Variants in PXDC1 observed in about 807,000 individuals in gnomAD.
The protein encoded by PXDC1 is PX domain containing 1.
A neutral mutation model predicts 24.4 loss-of-function variants in PXDC1; 13 were observed. The ratio of observed to expected loss-of-function variants is 0.53; its 90% confidence interval spans 0.35 to 0.85. The LOEUF (loss-of-function observed/expected upper bound fraction) is 0.85. PXDC1 is among the 40% of genes least tolerant of loss of function. PXDC1 has a pLI of 0.01. For synonymous variants in PXDC1, 162 were observed against 124.9 expected (o/e 1.30, Z -1.98); for missense variants, 344 against 309.3 (o/e 1.11, Z -0.84).
At chr6:3,731,041 G>C (rs1464106096) in intron 3 of PXDC1, among the ~76,000 whole-genome samples, 1 of 152,168 alleles carries the variant, frequency 6.6e-6, no homozygotes, top group East Asian at 1.9e-4. Flanking sequence ...AAATACTGAG[G>C]GCTCAATAAA....
Position 3,751,647 on chromosome 6 carries a change from G to C in PXDC1, c.-116C>G, listed in dbSNP as rs928198314. 4.1e-5 allele frequency: 55 copies of C among 1,332,830 alleles called. No homozygotes were observed. The highest frequency in any genetic ancestry group is 5.2e-5 in the Non-Finnish European group (54 of 1,046,634). The allele number at this position is 1,332,830 out of a possible 1,614,324, so 82.6% of individuals were successfully genotyped here. On this transcript the variant is annotated 5_prime_UTR_variant, in exon 1 of 5. Transcript: ENST00000380283. ...TCCGTGGCCGGGGTCGTCCGGGGTC[G>C]GCCCGTCACTCCAAGGAGGCTGCGT... is the stretch of plus-strand genomic sequence containing the variant.
chr6:3,725,516 C>T lies in PXDC1; in HGVS notation c.579-1780G>A, dbSNP rs1034796034. ...GCCCTGGCACTGGTGCCCACTTGCC[C>T]CTGGGGCCAGACTCGGGGCAGCCTG... On this transcript the variant is annotated intron_variant, in intron 4 of 4. Coordinates refer to ENST00000380283, the MANE Select transcript of PXDC1 (RefSeq NM_183373.4). This position sits in a 1 kb window ranked among gnomAD's most constrained non-coding sequence, Gnocchi z 4.8. Among the ~76,000 whole-genome samples, 3 of 152,222 alleles carry T rather than the reference C, an allele frequency of 2.0e-5. No individual in the cohort carries two copies. The highest frequency in any genetic ancestry group is 7.2e-5 in the African/African-American group (3 of 41,454).
chr6:3,733,854 G>A (rs1038141975), intron 3 of PXDC1, among the ~76,000 whole-genome samples: 6 of 152,102 alleles, frequency 3.9e-5, no homozygotes, highest in Non-Finnish European at 5.9e-5. Context: ...ATGGCAGCCC[G>A]CCAACATCTG....
At chr6:3,729,524 A>G (rs889648489) in intron 3 of PXDC1, among the ~76,000 whole-genome samples, 1 of 152,200 alleles carries the variant, frequency 6.6e-6, no homozygotes, top group Non-Finnish European at 1.5e-5. Flanking sequence ...AGCTCTGCGA[A>G]GCAAAGAGGA....
At position 3,751,416 on chromosome 6, in the gene PXDC1, A is replaced by T; in HGVS notation, c.116T>A (p.Phe39Tyr). ...GTCCGACCACTCCGTGCGGATCTCG[A>T]AGAACTCCTCTTCGTCGCCGCGCCG... is the stretch of plus-strand genomic sequence containing the variant. ...VSRRGDEEEF[F>Y]EIRTEWSDRS... Residue 39 changes from phenylalanine (F) to tyrosine (Y), a missense_variant, in exon 1 of 5, where the codon TTC (phenylalanine) becomes TAC (tyrosine). Transcript: ENST00000380283. 1 of 1,582,800 alleles carries T rather than the reference A, an allele frequency of 6.3e-7. No homozygotes were observed. The highest frequency in any genetic ancestry group is 8.6e-7 in the Non-Finnish European group (1 of 1,165,536).
At position 3,725,985 on chromosome 6, in the gene PXDC1, G is replaced by T. The variant is rs1385177589; in HGVS notation, c.578+1566C>A. ...TGTCACTCCTGTGCACATGCAGTCA[G>T]TCCCGGGCAGCTGCAAGAGCCACAC... On this transcript the variant is annotated intron_variant, in intron 4 of 4. Transcript: ENST00000380283. This position sits in a 1 kb window ranked among gnomAD's most constrained non-coding sequence, Gnocchi z 4.8. 6.9e-6 allele frequency among the ~76,000 whole-genome samples: 1 copy of T among 144,534 alleles called. No homozygotes were observed. Among genetic ancestry groups the T allele is most frequent in the East Asian group, 2.0e-4 (1 of 5,006 alleles). The allele number at this position is 144,534 out of a possible 152,430, so 94.8% of individuals were successfully genotyped here. A position where few individuals can be genotyped will look rare whatever the true frequency, so the allele number is the denominator to read the frequency against.
At chr6:3,744,652 G>A (rs958654097) in intron 1 of PXDC1, among the ~76,000 whole-genome samples, 2 of 152,212 alleles carry the variant, frequency 1.3e-5, no homozygotes, top group Non-Finnish European at 2.9e-5. Context: ...GCTTCCCACG[G>A]AGGTTCTGGC....
At position 3,737,912 on chromosome 6, in the gene PXDC1, G is replaced by A. The variant is rs572431884; in HGVS notation, c.348+145C>T. On this transcript the variant is annotated intron_variant, in intron 2 of 4. Coordinates refer to ENST00000380283, the MANE Select transcript of PXDC1 (RefSeq NM_183373.4). This position sits in a 1 kb window ranked among gnomAD's most constrained non-coding sequence, Gnocchi z 5.5. Reference sequence around the variant, plus strand: ...TGCACACCTCCACTCCGTCCCTATCGCCTGGTACTACCAGGGAGGGAACAA... The same window carrying A: ...TGCACACCTCCACTCCGTCCCTATCACCTGGTACTACCAGGGAGGGAACAA... 1.6e-4 allele frequency: 120 copies of A among 738,500 alleles called. 1 individual carries two copies. The highest frequency in any genetic ancestry group is 1.3e-3 in the African/African-American group (76 of 56,766). The allele number at this position is 738,500 out of a possible 1,614,324, so 45.7% of individuals were successfully genotyped here.
In PXDC1 at chr6:3,751,521, G is replaced by T. The variant is rs538862361; in HGVS notation, c.11C>A (p.Ala4Glu). The change falls in exon 1 of 5, where the codon GCG becomes GAG. Residue 4 changes from alanine to glutamate, a missense_variant. Ala to Glu is a moderately radical substitution (Grantham distance 107, BLOSUM62 -1). Coordinates refer to ENST00000380283, the MANE Select transcript of PXDC1 (RefSeq NM_183373.4). ...CACGAGCGACGTGCCCTCAAACACCGCCGAGGCCATGTCGCACGCATGCCC... is the reference window on the plus strand; with the variant it reads ...CACGAGCGACGTGCCCTCAAACACCTCCGAGGCCATGTCGCACGCATGCCC... MASAVFEGTSLVNM... is the reference protein window; with the variant it reads MASEVFEGTSLVNM... 2 of 1,587,550 alleles carry T rather than the reference G, an allele frequency of 1.3e-6. No homozygotes were observed. Among genetic ancestry groups the T allele is most frequent in the African/African-American group, 1.4e-5 (1 of 72,766 alleles).
rs1760717501 is a variant in PXDC1 at position 3,751,455 on chromosome 6, C to T, written c.77G>A (p.Arg26Lys). 1 of 1,601,950 alleles carries T rather than the reference C, an allele frequency of 6.2e-7. No homozygotes were observed. Among genetic ancestry groups the T allele is most frequent in the Non-Finnish European group, 8.5e-7 (1 of 1,175,500 alleles). Residue 26 changes from arginine (R) to lysine (K), a missense_variant, in exon 1 of 5, where the codon AGG (arginine) becomes AAG (lysine). Coordinates refer to ENST00000380283, the MANE Select transcript of PXDC1 (RefSeq NM_183373.4). The part of the protein sequence containing the change: ...VRGCWVNGIR[R>K]LIVSRRGDEE... ...GTCGCCGCGCCGGCTGACGATGAGC[C>T]TGCGGATGCCGTTCACCCAGCAGCC...
Position 3,724,449 on chromosome 6 carries a change from C to A in PXDC1, c.579-713G>T, listed in dbSNP as rs1760011260. On this transcript the variant is annotated intron_variant, in intron 4 of 4. Transcript: ENST00000380283. This position sits in a 1 kb window ranked among gnomAD's most constrained non-coding sequence, Gnocchi z 4.5. Reference sequence around the variant, plus strand: ...CTACTCCCTCTGCAGCCCAGGCAGACTTCCTACGTTAAGAAAAGAGACTCC... The same window carrying A: ...CTACTCCCTCTGCAGCCCAGGCAGAATTCCTACGTTAAGAAAAGAGACTCC... Among the ~76,000 whole-genome samples, 1 of 152,216 alleles carries A rather than the reference C, an allele frequency of 6.6e-6. No homozygotes were observed. The highest frequency in any genetic ancestry group is 2.4e-5 in the African/African-American group (1 of 41,448).
At position 3,751,695 on chromosome 6, in the gene PXDC1, G is replaced by A. The variant is rs1760730121; in HGVS notation, c.-164C>T. The A allele has an allele frequency of 1.9e-6, 2 of 1,078,076 alleles. No individual in the cohort carries two copies. Among genetic ancestry groups the A allele is most frequent in the Admixed American group, 4.5e-5 (1 of 22,298 alleles). The allele number at this position is 1,078,076 out of a possible 1,614,324, so 66.8% of individuals were successfully genotyped here. On this transcript the variant is annotated 5_prime_UTR_variant, in exon 1 of 5. Transcript: ENST00000380283. ...CGTATGGCCCGCGTTCGGGGCAGCG[G>A]GGCGGCGCGGCGGCGAGTGGCTCGG...
At chr6:3,750,824 C>G (rs1760691457) in intron 1 of PXDC1, among the ~76,000 whole-genome samples, 1 of 152,012 alleles carries the variant, frequency 6.6e-6, no homozygotes, top group Non-Finnish European at 1.5e-5. Context: ...GGGCGGCGGC[C>G]AGACCCGACG....
intron 1 of PXDC1, among the ~76,000 whole-genome samples, chr6:3,748,529 G>A (rs1760621036): frequency 6.6e-6 from 1 of 152,168 alleles, no homozygotes; most frequent in South Asian, 2.1e-4. Context: ...ACACATACAA[G>A]GCCCAGGGAT....
At chr6:3,729,058 C>A (rs1432829756) in intron 3 of PXDC1, among the ~76,000 whole-genome samples, 1 of 152,142 alleles carries the variant, frequency 6.6e-6, no homozygotes, top group Non-Finnish European at 1.5e-5. Flanking sequence ...CCTAACAGCC[C>A]TCCCTCTCCC....
chr6:3,740,626 A>C (rs1227085107), intron 1 of PXDC1, among the ~76,000 whole-genome samples: 1 of 152,098 alleles, frequency 6.6e-6, no homozygotes, highest in African/African-American at 2.4e-5. Flanking sequence ...TAGCCCACCT[A>C]CCTCACCAGC....
Position 3,724,803 on chromosome 6 carries a change from G to A in PXDC1, c.579-1067C>T, listed in dbSNP as rs535733092. ...CCGGACACACAACAAGGCAGGGCGA[G>A]CATATGTCCCCCACAAACCTAGTAC... On this transcript the variant is annotated intron_variant, in intron 4 of 4. Coordinates refer to ENST00000380283, the MANE Select transcript of PXDC1 (RefSeq NM_183373.4). This position sits in a 1 kb window ranked among gnomAD's most constrained non-coding sequence, Gnocchi z 4.5. 6.6e-6 allele frequency among the ~76,000 whole-genome samples: 1 copy of A among 152,234 alleles called. No individual in the cohort carries two copies. The highest frequency in any genetic ancestry group is 1.5e-5 in the Non-Finnish European group (1 of 68,042).
rs577467060 is a variant in PXDC1, at chr6:3,736,951, G to A, written c.466+128C>T. 3.7e-4 allele frequency: 264 copies of A among 711,788 alleles called. 3 individuals carry two copies. In the South Asian group the frequency reaches 3.8e-3, roughly 10 times the overall value. 44.1% of individuals were successfully genotyped at this position (711,788 alleles called of 1,614,324 possible). On this transcript the variant is annotated intron_variant, in intron 3 of 4. Coordinates refer to ENST00000380283, the MANE Select transcript of PXDC1 (RefSeq NM_183373.4). Reference sequence around the variant, plus strand: ...GGCAACAGTCTCTCCCTGTACATTCGCATTTCTCTCGATTGTCTTTCTGGA... The same window carrying A: ...GGCAACAGTCTCTCCCTGTACATTCACATTTCTCTCGATTGTCTTTCTGGA...
chr6:3,737,236 C>T lies in PXDC1; in HGVS notation c.349-40G>A, dbSNP rs947899390. The T allele has an allele frequency of 2.1e-6, 3 of 1,424,524 alleles. No homozygotes were observed. Among genetic ancestry groups the T allele is most frequent in the Non-Finnish European group, 3.0e-6 (3 of 1,007,898 alleles). The allele number at this position is 1,424,524 out of a possible 1,614,324, so 88.2% of individuals were successfully genotyped here. On this transcript the variant is annotated intron_variant, in intron 2 of 4. Coordinates refer to ENST00000380283, the MANE Select transcript of PXDC1 (RefSeq NM_183373.4). This position sits in a 1 kb window ranked among gnomAD's most constrained non-coding sequence, Gnocchi z 5.5. ...AGGGATTACTAAAAACGATCAGCCT[C>T]TACACGTTGGCCCTGTCTGTCTACC...
Sources: allele counts gnomAD v4.1 joint callset (sites outside exome capture counted in the v4.1 genomes callset), GRCh38; gene constraint gnomAD v4.1.1; non-coding constraint Gnocchi (gnomAD v3.1); transcripts MANE v1.5; gene names NCBI Gene and HGNC (gene_info 2026-07-23, HGNC 2026-07-21).